CCM2: variants seen among roughly 807,000 people sequenced by gnomAD.
CCM2 encodes cerebral cavernous malformations 2 protein.
In CCM2, 25 loss-of-function variants were observed where a neutral mutation model predicts 44.9. The ratio of observed to expected loss-of-function variants is 0.56; its 90% CI spans 0.41 to 0.78. The LOEUF (loss-of-function observed/expected upper bound fraction) is 0.78. Ranked by LOEUF, CCM2 falls within the 30% of genes least tolerant of loss-of-function variation. The pLI is 0.00. For missense variants in CCM2, 481 were observed against 580.6 expected (o/e 0.83, Z 1.76); for synonymous variants, 219 against 241.1 (o/e 0.91, Z 0.85).
intron 2 of CCM2, among the ~76,000 whole-genome samples, chr7:45,055,468 C>G (rs919462930): frequency 2.6e-5 from 4 of 152,104 alleles, no homozygotes; most frequent in Non-Finnish European, 2.9e-5. Context: ...GCGGGTGGAT[C>G]ACGAGGTCAG....
chr7:45,066,901 A>AT (rs34087646), intron 4 of CCM2, among the ~76,000 whole-genome samples: 2,597 of 143,718 alleles, frequency 0.018, 38 homozygotes, highest in African/African-American at 0.044. Context: ...AAACCAGTAA[A>AT]TTTTTTTTTT....
Position 45,009,318 on chromosome 7 carries a change from A to AAAAG in CCM2, c.30+8958_30+8959insGAAA, listed in dbSNP as rs1554356440. 7.5e-3 allele frequency among the ~76,000 whole-genome samples: 811 copies of AAAAG among 108,584 alleles called. 95 individuals carry two copies. Among genetic ancestry groups the AAAAG allele is most frequent in the African/African-American group, 0.029 (744 of 25,696 alleles). The allele number at this position is 108,584 out of a possible 152,430, so 71.2% of individuals were successfully genotyped here. On this transcript the variant is annotated intron_variant, in intron 1 of 9. Coordinates refer to ENST00000258781, the MANE Select transcript of CCM2 (RefSeq NM_031443.4). ...TCTGTCTCAAAAAAAAAAAAAAAAA[A>AAAAG]AAAATTTTTGAGTACACCAAAGTTG...
In CCM2 at chr7:45,076,191, G is replaced by T. The variant is rs759081158; in HGVS notation, c.*134G>T. 45 of 1,278,166 alleles carry T rather than the reference G, an allele frequency of 3.5e-5. No individual in the cohort carries two copies. In the African/African-American group the frequency reaches 5.7e-4, roughly 16 times the overall value. 79.2% of individuals were successfully genotyped at this position (1,278,166 alleles called of 1,614,324 possible). A position where few individuals can be genotyped will look rare whatever the true frequency, so the allele number is the denominator to read the frequency against. On this transcript the variant is annotated 3_prime_UTR_variant, in exon 10 of 10. Transcript: ENST00000258781. ...GCGCCCGGTGCAGATGGCCCCGGGC[G>T]GCCCAGGTCCTCTACTGTGAAGGAG...
intron 1 of CCM2, among the ~76,000 whole-genome samples, chr7:45,010,979 A>G (rs1175674481): frequency 1.3e-5 from 2 of 152,156 alleles, no homozygotes; most frequent in South Asian, 4.1e-4. Flanking sequence ...TATGGGAACT[A>G]TATGTTTAAC....
intron 2 of CCM2, chr7:45,043,732 T>C (rs1468916834): frequency 7.4e-6 from 3 of 404,972 alleles, no homozygotes; most frequent in Non-Finnish European, 1.4e-5. Flanking sequence ...CATATTGATA[T>C]TTATTTTATT....
rs188134604 is a variant in CCM2, at chr7:45,065,329, G to A, written c.472+683G>A. On this transcript the variant is annotated intron_variant, in intron 4 of 9. Coordinates refer to ENST00000258781, the MANE Select transcript of CCM2 (RefSeq NM_031443.4). ...CCATGGTTCGCCCTACCTGTATTTTGCCCCTCCCAGTCCTGAGTTTCGAGG... is the reference window on the plus strand; with the variant it reads ...CCATGGTTCGCCCTACCTGTATTTTACCCCTCCCAGTCCTGAGTTTCGAGG... Among the ~76,000 whole-genome samples the A allele has an allele frequency of 9.2e-5, 14 of 152,306 alleles. No homozygotes were observed. The East Asian group carries it at 2.7e-3, about 29-fold the overall frequency.
intron 2 of CCM2, among the ~76,000 whole-genome samples, chr7:45,041,540 G>T (rs576411987): frequency 6.6e-6 from 1 of 152,306 alleles, no homozygotes; most frequent in Non-Finnish European, 1.5e-5. Context: ...AACAGGTACA[G>T]ACAGAACCCC....
intron 1 of CCM2, among the ~76,000 whole-genome samples, chr7:45,036,552 T>G (rs1247319737): frequency 6.6e-6 from 1 of 152,072 alleles, no homozygotes; most frequent in Non-Finnish European, 1.5e-5. Context: ...AACCCCAGCC[T>G]CATTAGGGAG....
intron 1 of CCM2, among the ~76,000 whole-genome samples, chr7:45,013,616 A>G (rs10951790): frequency 0.13 from 20,107 of 152,214 alleles, 1,625 homozygotes; most frequent in Admixed American, 0.2. Context: ...TACGTAATTC[A>G]TGACCCCACC....
chr7:45,054,257 G>A (rs1000316192), intron 2 of CCM2, among the ~76,000 whole-genome samples: 4 of 152,118 alleles, frequency 2.6e-5, no homozygotes, highest in African/African-American at 9.7e-5. Flanking sequence ...CAAGCAAGGA[G>A]TGTGTGGGGG....
intron 1 of CCM2, among the ~76,000 whole-genome samples, chr7:45,002,484 A>G (rs937245313): frequency 6.6e-6 from 1 of 150,714 alleles, no homozygotes; most frequent in Non-Finnish European, 1.5e-5. Context: ...CAGGAGGATC[A>G]CCTGAGCTCA....
downstream of CCM2, chr7:45,076,468 G>A (rs1461905806): frequency 5.6e-6 from 2 of 359,848 alleles, no homozygotes; most frequent in Non-Finnish European, 1.1e-5. Context: ...TGGTTGCCAA[G>A]CATGTTTCTG....
Position 45,069,904 on chromosome 7 carries a change from G to A in CCM2, c.688G>A (p.Asp230Asn). 1 of 1,614,184 alleles carries A rather than the reference G, an allele frequency of 6.2e-7. No homozygotes were observed. The highest frequency in any genetic ancestry group is 1.3e-5 in the African/African-American group (1 of 75,058). ...VYTESTIDFLDRAIFDGASTP... is the reference protein window; with the variant it reads ...VYTESTIDFLNRAIFDGASTP... ...CACGGAGTCCACCATCGACTTTCTGGACAGAGCGATATTTGATGGGGCCTC... is the reference window on the plus strand; with the variant it reads ...CACGGAGTCCACCATCGACTTTCTGAACAGAGCGATATTTGATGGGGCCTC... Residue 230 changes from aspartate to asparagine, a missense_variant, in exon 6 of 10, where the codon GAC becomes AAC. Coordinates refer to ENST00000258781, the MANE Select transcript of CCM2 (RefSeq NM_031443.4).
chr7:45,044,750 A>G (rs898253610), intron 2 of CCM2, among the ~76,000 whole-genome samples: 1 of 152,232 alleles, frequency 6.6e-6, no homozygotes, highest in African/African-American at 2.4e-5. Flanking sequence ...GCAAATTACT[A>G]TGGAGAATAT....
chr7:45,036,059 G>C (rs949475622), intron 1 of CCM2, among the ~76,000 whole-genome samples: 1 of 152,126 alleles, frequency 6.6e-6, no homozygotes, highest in African/African-American at 2.4e-5. Flanking sequence ...CTTAGTAAGT[G>C]GTGCAGCCCA....
At chr7:45,073,653 G>T in intron 8 of CCM2, 82 bp downstream of exon 8, 1 of 1,006,838 alleles carries the variant, frequency 9.9e-7, no homozygotes, top group Non-Finnish European at 1.5e-6. Context: ...AGGAGGAGGA[G>T]GAGCAGTGCA....
chr7:45,050,786 C>A (rs1797966383), intron 2 of CCM2, among the ~76,000 whole-genome samples: 1 of 152,080 alleles, frequency 6.6e-6, no homozygotes, highest in Non-Finnish European at 1.5e-5. Context: ...AATGTTTTCC[C>A]CTAGTTTGTC....
intron 2 of CCM2, among the ~76,000 whole-genome samples, chr7:45,051,626 T>C (rs1261118861): frequency 6.6e-6 from 1 of 151,968 alleles, no homozygotes. Context: ...GGTGGCATGA[T>C]CTCAGCTCAC....
intron 1 of CCM2, among the ~76,000 whole-genome samples, chr7:45,031,381 CAAAAA>C (rs35741858): frequency 3.5e-5 from 2 of 57,502 alleles, no homozygotes; most frequent in Non-Finnish European, 3.5e-5. Context: ...GACTCCAGGT[CAAAAA>C]AAAAAAAAAA....
Sources: allele counts gnomAD v4.1 joint callset (sites outside exome capture counted in the v4.1 genomes callset), GRCh38; gene constraint gnomAD v4.1.1; transcripts MANE v1.5; gene names NCBI Gene and HGNC (gene_info 2026-07-23, HGNC 2026-07-21).